The following MYH14 variants were observed in gnomAD, a reference collection of about 807,000 sequenced individuals.
The protein encoded by MYH14 is myosin heavy chain 14, also known as myosin-14.
A neutral mutation model predicts 255.5 loss-of-function variants in MYH14; 123 were observed. That is an observed-to-expected ratio of 0.48 (90% CI 0.42 to 0.56). The LOEUF is 0.56. Ranked by LOEUF, MYH14 falls within the 20% of genes least tolerant of loss-of-function variation. MYH14 has a pLI of 0.00. For synonymous variants in MYH14, 1,095 were observed against 1,161.2 expected, an observed-to-expected ratio of 0.94 and a Z score of 1.16; for missense variants, 2,423 against 2,802.3, an observed-to-expected ratio of 0.86 and a Z score of 3.06.
intron 24 of MYH14, among the ~76,000 whole-genome samples, chr19:50,271,080 T>C (rs2035282492): frequency 6.6e-6 from 1 of 152,156 alleles, no homozygotes. Flanking sequence ...TCCTTTTTTT[T>C]TTCAGAGGCA....
chr19:50,251,081 C>T (rs1335573015), intron 15 of MYH14, among the ~76,000 whole-genome samples: 2 of 152,058 alleles, frequency 1.3e-5, no homozygotes, highest in East Asian at 1.9e-4. Flanking sequence ...CAAATACAGA[C>T]GATCAGGATA....
At chr19:50,297,078 C>T (rs1254620964) in intron 39 of MYH14, among the ~76,000 whole-genome samples, 5 of 151,484 alleles carry the variant, frequency 3.3e-5, no homozygotes. Context: ...CTCTGCCTCC[C>T]GGATTCAAGT....
intron 35 of MYH14, among the ~76,000 whole-genome samples, chr19:50,289,925 C>T (rs752806380): frequency 4.6e-4 from 70 of 152,192 alleles, no homozygotes; most frequent in Non-Finnish European, 9.1e-4. Context: ...TCTTCCTATT[C>T]CCCAACCCAT....
chr19:50,233,300 A>G (rs7252400), intron 10 of MYH14, among the ~76,000 whole-genome samples: 127,598 of 151,934 alleles, frequency 0.84, 54,335 homozygotes, highest in South Asian at 0.95. Context: ...CTCCCGAGTA[A>G]CTGGGATTAC....
chr19:50,214,260 C>G (rs1568464641), intron 2 of MYH14, among the ~76,000 whole-genome samples: 1 of 152,172 alleles, frequency 6.6e-6, no homozygotes, highest in Admixed American at 6.5e-5. Flanking sequence ...GCTGGAGCCA[C>G]CTGGCCTGAA....
chr19:50,240,065 C>T (rs1427422640), intron 10 of MYH14, among the ~76,000 whole-genome samples: 3 of 152,144 alleles, frequency 2.0e-5, no homozygotes, highest in African/African-American at 4.8e-5. Flanking sequence ...GTTGCCTCTT[C>T]TTGGATTTGG....
At position 50,290,935 on chromosome 19, in the gene MYH14, CTGG is replaced by C; in HGVS notation, c.5015_5017del (p.Leu1672_Ala1673delinsPro). The C allele has an allele frequency of 6.3e-7, 1 of 1,589,720 alleles. No individual in the cohort carries two copies. Among genetic ancestry groups the C allele is most frequent in the Non-Finnish European group, 8.6e-7 (1 of 1,168,814 alleles). On this transcript the variant is annotated inframe_deletion, in exon 36 of 43. Coordinates refer to ENST00000642316, the MANE Select transcript of MYH14 (RefSeq NM_001145809.2). ...GGATGAGGAGCGGAAGCAGCGCACT[CTGG>C]CCGTGGCTGCCCGCAAGAAGCTGGA... is the stretch of plus-strand genomic sequence containing the variant.
intron 1 of MYH14, chr19:50,205,451 GA>G (rs2031683454): frequency 6.6e-6 from 1 of 152,320 alleles, no homozygotes; most frequent in Non-Finnish European, 1.5e-5. Flanking sequence ...CCTGTGACGC[GA>G]CGGGGCCCCG....
intron 2 of MYH14, among the ~76,000 whole-genome samples, chr19:50,212,770 G>T (rs1200956376): frequency 2.0e-5 from 3 of 152,088 alleles, no homozygotes; most frequent in Non-Finnish European, 4.4e-5. Flanking sequence ...TTGAATCGAG[G>T]GCTGTCGGAC....
At chr19:50,211,980 C>A (rs767419712) in intron 2 of MYH14, among the ~76,000 whole-genome samples, 5 of 152,022 alleles carry the variant, frequency 3.3e-5, no homozygotes, top group Non-Finnish European at 7.4e-5. Context: ...AAATCAAGAC[C>A]CTGTCTCAAA....
At chr19:50,302,353 G>T (rs542504933) in intron 40 of MYH14, among the ~76,000 whole-genome samples, 5 of 151,136 alleles carry the variant, frequency 3.3e-5, no homozygotes, top group African/African-American at 1.2e-4. Context: ...AGGCCAAGGC[G>T]GGCAGATCAT....
chr19:50,298,579 T>C (rs1385748125), intron 39 of MYH14, among the ~76,000 whole-genome samples: 4 of 151,536 alleles, frequency 2.6e-5, no homozygotes, highest in African/African-American at 9.7e-5. Flanking sequence ...GGTGAACCCC[T>C]GTCTCTACTA....
rs1336711714 is a variant in MYH14, at chr19:50,266,854, C to A, written c.2695-23C>A. ...GTCTTGGCGCCTGAAGTCAGCCATTCCACCCCTTTCACCTCCACCTAGGTG... is the reference window on the plus strand; with the variant it reads ...GTCTTGGCGCCTGAAGTCAGCCATTACACCCCTTTCACCTCCACCTAGGTG... On this transcript the variant is annotated intron_variant, in intron 22 of 42. Coordinates refer to ENST00000642316, the MANE Select transcript of MYH14 (RefSeq NM_001145809.2). This position sits in a 1 kb window ranked among gnomAD's most constrained non-coding sequence, Gnocchi z 4.1. 6.4e-7 allele frequency: 1 copy of A among 1,551,552 alleles called. No individual in the cohort carries two copies.
chr19:50,291,165 G>C, intron 36 of MYH14, 117 bp downstream of exon 36: 1 of 871,914 alleles, frequency 1.1e-6, no homozygotes, highest in East Asian at 2.8e-5. Flanking sequence ...GGCAGCATCC[G>C]CATGGGTCAG....
In MYH14 at chr19:50,210,386, G is replaced by A; in HGVS notation, c.21G>A (p.Ser7=). The change falls in exon 2 of 43, where the codon TCG becomes TCA. Residue 7 remains serine (S), a synonymous_variant. Transcript: ENST00000642316. The part of the protein sequence containing the change: MAAVTM[S]VPGRKAPPRP... ...AGACCATGGCAGCCGTGACCATGTC[G>A]GTGCCCGGGCGGAAGGCGCCCCCCA... 1.3e-6 allele frequency: 2 copies of A among 1,586,418 alleles called. No homozygotes were observed. The highest frequency in any genetic ancestry group is 1.7e-4 in the Middle Eastern group (1 of 6,000).
chr19:50,255,522 A>G (rs568899701), intron 17 of MYH14, among the ~76,000 whole-genome samples: 32 of 152,308 alleles, frequency 2.1e-4, no homozygotes, highest in African/African-American at 7.7e-4. Flanking sequence ...ACTGCATGTA[A>G]AAGTACAAAC....
At chr19:50,225,876 T>C (rs1474962863) in intron 7 of MYH14, among the ~76,000 whole-genome samples, 199 bp downstream of exon 7, 2 of 83,702 alleles carry the variant, frequency 2.4e-5, no homozygotes. Flanking sequence ...GCCTGGACTC[T>C]TGAGTCTGAG....
chr19:50,294,297 C>T (rs747507555), intron 39 of MYH14, among the ~76,000 whole-genome samples: 13 of 151,326 alleles, frequency 8.6e-5, no homozygotes, highest in Admixed American at 3.3e-4. Context: ...GGATAGAGGC[C>T]ATCAGAGAAG....
intron 23 of MYH14, among the ~76,000 whole-genome samples, chr19:50,267,347 C>T (rs2035126472): frequency 6.6e-6 from 1 of 152,048 alleles, no homozygotes; most frequent in Non-Finnish European, 1.5e-5. Context: ...CTATGGTATG[C>T]AGGTGGCGAA....
Sources: allele counts gnomAD v4.1 joint callset (sites outside exome capture counted in the v4.1 genomes callset), GRCh38; gene constraint gnomAD v4.1.1; non-coding constraint Gnocchi (gnomAD v3.1); transcripts MANE v1.5; gene names NCBI Gene and HGNC (gene_info 2026-07-23, HGNC 2026-07-21).